STPG1: variants seen among roughly 807,000 people sequenced by gnomAD.
STPG1 encodes sperm tail PG-rich repeat containing 1.
A neutral mutation model predicts 40.1 loss-of-function variants in STPG1; 33 were observed. The observed-to-expected ratio is 0.82, with a 90% CI of 0.62 to 1.10. STPG1 has a LOEUF of 1.10. STPG1 is among the 50% of genes least tolerant of loss of function. The probability of loss-of-function intolerance (pLI) is 0.00; values close to 1 mark genes in which losing one functional copy is unlikely to be tolerated. For missense variants in STPG1, 396 were observed against 415.1 expected, an observed-to-expected ratio of 0.95 and a Z score of 0.40; for synonymous variants, 150 against 155.0, an observed-to-expected ratio of 0.97 and a Z score of 0.24.
intron 5 of STPG1, among the ~76,000 whole-genome samples, chr1:24,377,769 G>A (rs919193474): frequency 3.3e-5 from 5 of 152,286 alleles, no homozygotes; most frequent in East Asian, 3.9e-4. Flanking sequence ...TGTCAGGGCT[G>A]GAATGAGGTG....
At chr1:24,380,678 C>T (rs557570631) in intron 4 of STPG1, among the ~76,000 whole-genome samples, 4 of 152,268 alleles carry the variant, frequency 2.6e-5, no homozygotes, top group South Asian at 4.1e-4. Context: ...TTGGTGGTGA[C>T]GGTCCTCAGC....
At chr1:24,404,886 AT>A (rs1643356735) in intron 1 of STPG1, among the ~76,000 whole-genome samples, 1 of 151,948 alleles carries the variant, frequency 6.6e-6, no homozygotes, top group East Asian at 1.9e-4. Context: ...GCTTTCCTAA[AT>A]TTTCTATTTC....
chr1:24,386,595 G>A (rs879573486), intron 3 of STPG1, among the ~76,000 whole-genome samples: 11 of 152,206 alleles, frequency 7.2e-5, no homozygotes, highest in Admixed American at 2.0e-4. Flanking sequence ...CACCGCCTTC[G>A]TGCAACGCCC....
At chr1:24,395,622 C>T (rs1053147394) in intron 2 of STPG1, among the ~76,000 whole-genome samples, 3 of 151,856 alleles carry the variant, frequency 2.0e-5, no homozygotes, top group Non-Finnish European at 2.9e-5. Context: ...TTAGTAGAGA[C>T]GGGGTTTCAC....
intron 2 of STPG1, among the ~76,000 whole-genome samples, chr1:24,393,208 C>A (rs1642854313): frequency 6.6e-6 from 1 of 152,196 alleles, no homozygotes; most frequent in Non-Finnish European, 1.5e-5. Context: ...CTAGTAAGTG[C>A]TCAATAAACA....
At position 24,379,806 on chromosome 1, in the gene STPG1, G is replaced by C. The variant is rs371742348; in HGVS notation, c.309C>G (p.Thr103=). The C allele has an allele frequency of 2.5e-6, 4 of 1,613,936 alleles. No homozygotes were observed. Among genetic ancestry groups the C allele is most frequent in the Non-Finnish European group, 3.4e-6 (4 of 1,179,852 alleles). ...TCGCTGCAGGGTATTTAGAAATGAT[G>C]GTGTCCAATCGGGCGCACTGTAAGG... ...MFPSMCARLD[T]IISKYPAANA... Residue 103 remains threonine, a synonymous_variant, in exon 5 of 9, where the codon ACC becomes ACG. Coordinates refer to ENST00000337248, the MANE Select transcript of STPG1 (RefSeq NM_001199013.2).
chr1:24,370,692 C>G (rs1641696182), intron 6 of STPG1, among the ~76,000 whole-genome samples: 1 of 151,996 alleles, frequency 6.6e-6, no homozygotes, highest in Admixed American at 6.6e-5. Context: ...GGGGTTTCAC[C>G]ATGTTAGCCA....
chr1:24,390,716 G>A (rs1312719197), intron 3 of STPG1, among the ~76,000 whole-genome samples: 1 of 151,720 alleles, frequency 6.6e-6, no homozygotes, highest in East Asian at 1.9e-4. Context: ...ACTGCACCCG[G>A]CTAATAACAC....
intron 7 of STPG1, chr1:24,364,344 C>T: frequency 6.5e-7 from 1 of 1,547,160 alleles, no homozygotes; most frequent in Non-Finnish European, 8.7e-7. Context: ...CCGTCAACAG[C>T]CTGCACTTCA....
At chr1:24,396,793 G>A (rs909262904) in intron 2 of STPG1, among the ~76,000 whole-genome samples, 3 of 151,940 alleles carry the variant, frequency 2.0e-5, no homozygotes, top group Admixed American at 6.6e-5. Context: ...CAGATGGGAC[G>A]AATAGAAAGC....
chr1:24,384,030 T>A, intron 3 of STPG1, 27 bp from the exon 4 acceptor site: 1 of 1,356,676 alleles, frequency 7.4e-7, no homozygotes, highest in Non-Finnish European at 1.1e-6. Context: ...GGTGGTGTCA[T>A]CGAGATACTT....
At chr1:24,401,243 T>G (rs1643213465) in intron 2 of STPG1, 76 bp downstream of exon 2, 2 of 1,316,032 alleles carry the variant, frequency 1.5e-6, no homozygotes, top group Non-Finnish European at 2.2e-6. Flanking sequence ...GACTTACTAT[T>G]CCCCCCAAAT....
intron 1 of STPG1, among the ~76,000 whole-genome samples, chr1:24,407,129 C>A (rs942021583): frequency 6.6e-6 from 1 of 152,144 alleles, no homozygotes; most frequent in Non-Finnish European, 1.5e-5. Flanking sequence ...ATTACTTTGA[C>A]TATTCTATGT....
rs56972835 is a variant in STPG1 at position 24,382,917 on chromosome 1, CTTTT to C, written c.291+981_291+984del. On this transcript the variant is annotated intron_variant, in intron 4 of 8. Coordinates refer to ENST00000337248, the MANE Select transcript of STPG1 (RefSeq NM_001199013.2). ...AGAGTCTGGGCTTGCTTTCTTTTCACTTTTTTTTTTTTTGGACAGAGTCTGCCTC... is the reference window on the plus strand; with the variant it reads ...AGAGTCTGGGCTTGCTTTCTTTTCACTTTTTTTTTGGACAGAGTCTGCCTC... Among the ~76,000 whole-genome samples, 140 of 133,498 alleles carry C rather than the reference CTTTT, an allele frequency of 1.0e-3. 2 individuals carry two copies. Among genetic ancestry groups the C allele is most frequent in the African/African-American group, 3.8e-3 (131 of 34,286 alleles). The allele number at this position is 133,498 out of a possible 152,430, so 87.6% of individuals were successfully genotyped here.
intron 2 of STPG1, among the ~76,000 whole-genome samples, chr1:24,400,448 T>C (rs12118619): frequency 0.016 from 2,420 of 152,338 alleles, 67 homozygotes; most frequent in African/African-American, 0.054. Flanking sequence ...ATAGGTGGTG[T>C]TTTCTTTGTG....
chr1:24,389,996 G>A (rs781138508), intron 3 of STPG1, among the ~76,000 whole-genome samples: 33 of 152,178 alleles, frequency 2.2e-4, no homozygotes, highest in Non-Finnish European at 4.4e-4. Context: ...CTACCAAGGA[G>A]GAATCAGGCT....
chr1:24,360,760 A>G (rs1641050795), intron 8 of STPG1, 91 bp downstream of exon 8: 1 of 1,195,826 alleles, frequency 8.4e-7, no homozygotes, highest in South Asian at 1.5e-5. Context: ...TTTGGGAAAC[A>G]ACCTATAAAT....
At chr1:24,372,153 G>A (rs1337424397) in intron 6 of STPG1, among the ~76,000 whole-genome samples, 1 of 152,188 alleles carries the variant, frequency 6.6e-6, no homozygotes, top group African/African-American at 2.4e-5. Context: ...ACTCCAGCCT[G>A]GGTAACAGAG....
At chr1:24,368,057 A>G (rs1569992534) in intron 7 of STPG1, among the ~76,000 whole-genome samples, 1 of 152,022 alleles carries the variant, frequency 6.6e-6, no homozygotes, top group East Asian at 1.9e-4. Flanking sequence ...TGGAGGCGGG[A>G]GGTCTCTGGA....
Sources: allele counts gnomAD v4.1 joint callset (sites outside exome capture counted in the v4.1 genomes callset), GRCh38; gene constraint gnomAD v4.1.1; transcripts MANE v1.5; gene names NCBI Gene and HGNC (gene_info 2026-07-23, HGNC 2026-07-21).